The following TNKS variants were observed in gnomAD, a reference collection of about 807,000 sequenced individuals.
The protein encoded by TNKS is tankyrase, also known as poly [ADP-ribose] polymerase tankyrase-1.
In TNKS, 72 loss-of-function variants were observed where a neutral mutation model predicts 135.8. The ratio of observed to expected loss-of-function variants is 0.53; its 90% CI spans 0.44 to 0.64. The LOEUF (loss-of-function observed/expected upper bound fraction) is 0.64. Among genes scored for constraint, TNKS ranks in the 30% least tolerant of loss-of-function variants. The pLI, the probability that TNKS is intolerant of heterozygous loss-of-function variation, is 0.00. For synonymous variants in TNKS, 849 were observed against 649.3 expected (o/e 1.31, Z -4.68); for missense variants, 1,769 against 1,674.0 (o/e 1.06, Z -0.99).
intron 2 of TNKS, among the ~76,000 whole-genome samples, chr8:9,595,431 T>C (rs1798745278): frequency 6.6e-6 from 1 of 152,142 alleles, no homozygotes; most frequent in African/African-American, 2.4e-5. Flanking sequence ...ACTCTTAACG[T>C]TGATGACTTG....
rs1055163918 is a variant in TNKS at position 9,708,238 on chromosome 8, A to G, written c.1457-133A>G. 6.5e-6 allele frequency: 5 copies of G among 764,882 alleles called. No homozygotes were observed. In the East Asian group the frequency reaches 1.6e-4, roughly 24 times the overall value. The allele number at this position is 764,882 out of a possible 1,614,324, so 47.4% of individuals were successfully genotyped here. The stretch of plus-strand genomic sequence containing the variant: ...TCATCTTTTGCATTTTTATCATCAT[A>G]TTATCACATTGCTGCTGTTGTTAAA... On this transcript the variant is annotated intron_variant, in intron 8 of 26. Transcript: ENST00000310430.
intron 1 of TNKS, among the ~76,000 whole-genome samples, chr8:9,565,751 G>A (rs906322825): frequency 3.9e-5 from 6 of 152,060 alleles, no homozygotes; most frequent in African/African-American, 1.2e-4. Context: ...CAGCTACTCG[G>A]GAGGCTGAGG....
At chr8:9,717,096 T>TATATATATATATATATATATATAC (rs1804648966) in intron 11 of TNKS, among the ~76,000 whole-genome samples, 1 of 130,778 alleles carries the variant, frequency 7.6e-6, no homozygotes, top group Non-Finnish European at 1.7e-5. Flanking sequence ...TATATATATA[T>TATATATATATATATATATATATAC]ATATATTTTC....
intron 5 of TNKS, among the ~76,000 whole-genome samples, chr8:9,689,413 G>C (rs1347021382): frequency 1.3e-5 from 2 of 152,046 alleles, no homozygotes; most frequent in African/African-American, 4.8e-5. Flanking sequence ...ATAATCACTT[G>C]AAATGCATAT....
chr8:9,709,180 G>C (rs4841200), intron 9 of TNKS, among the ~76,000 whole-genome samples: 126,565 of 152,056 alleles, frequency 0.83, 52,865 homozygotes, highest in Admixed American at 0.89. Flanking sequence ...AAGATCAAAC[G>C]TTTGTCAGTA....
chr8:9,753,766 C>T (rs925172868), intron 20 of TNKS, among the ~76,000 whole-genome samples: 1 of 152,164 alleles, frequency 6.6e-6, no homozygotes, highest in African/African-American at 2.4e-5. Flanking sequence ...CAATTTGGGA[C>T]AGGTGTAATA....
chr8:9,687,939 A>G (rs147620168), intron 5 of TNKS, among the ~76,000 whole-genome samples: 4 of 152,332 alleles, frequency 2.6e-5, no homozygotes, highest in East Asian at 1.9e-4. Context: ...CGAACTTTAC[A>G]TTAGTAGAGT....
chr8:9,623,834 T>G (rs1206739995), intron 3 of TNKS, among the ~76,000 whole-genome samples: 5 of 152,048 alleles, frequency 3.3e-5, no homozygotes, highest in Non-Finnish European at 7.4e-5. Flanking sequence ...AAACCCCGTC[T>G]CTACCAAAAA....
Position 9,765,763 on chromosome 8 carries a change from T to C in TNKS, c.3519T>C (p.Asn1173=). The C allele has an allele frequency of 3.7e-6, 6 of 1,613,912 alleles. No individual in the cohort carries two copies. The highest frequency in any genetic ancestry group is 5.1e-6 in the Non-Finnish European group (6 of 1,179,896). The change falls in exon 24 of 27, where the codon AAT becomes AAC. Residue 1173 remains asparagine (N), a synonymous_variant. Transcript: ENST00000310430. The part of the protein sequence containing the change: ...CHRQKEVSEE[N]HNHHNERMLF... ...GACAGAAGGAAGTGTCTGAGGAGAA[T>C]CACAACCATCACAATGAGCGCATGT...
chr8:9,674,674 G>C (rs1802460125), intron 3 of TNKS, among the ~76,000 whole-genome samples: 1 of 152,158 alleles, frequency 6.6e-6, no homozygotes, highest in African/African-American at 2.4e-5. Flanking sequence ...TTAATTGTAA[G>C]TGTTGAGGGG....
chr8:9,574,481 CCT>C (rs1797868761), intron 1 of TNKS, among the ~76,000 whole-genome samples: 1 of 152,114 alleles, frequency 6.6e-6, no homozygotes, highest in Non-Finnish European at 1.5e-5. Flanking sequence ...TTGACTAGTC[CCT>C]CTGATTTTGC....
At chr8:9,670,403 A>G (rs2128792553) in intron 3 of TNKS, among the ~76,000 whole-genome samples, 1 of 152,316 alleles carries the variant, frequency 6.6e-6, no homozygotes. Flanking sequence ...GCCTGTATGT[A>G]GAGGGCATGA....
intron 2 of TNKS, among the ~76,000 whole-genome samples, chr8:9,597,101 G>A (rs1431408029): frequency 6.6e-6 from 1 of 152,230 alleles, no homozygotes; most frequent in East Asian, 1.9e-4. Context: ...ATTTAAGATA[G>A]CAAATAAGTG....
rs1441929759 is a variant in TNKS, at chr8:9,778,207, G to C, written c.*1471G>C. On this transcript the variant is annotated 3_prime_UTR_variant, in exon 27 of 27. Transcript: ENST00000310430. ...TTTTCACCTTAACTGAATATGAATT[G>C]AGTGCACTAACTTATTTACTTGATA... is the stretch of plus-strand genomic sequence containing the variant. 2 of 152,424 alleles carry C rather than the reference G, an allele frequency of 1.3e-5. No individual in the cohort carries two copies. Among genetic ancestry groups the C allele is most frequent in the Non-Finnish European group, 2.9e-5 (2 of 68,012 alleles). 9.4% of individuals were successfully genotyped at this position (152,424 alleles called of 1,614,324 possible). A position where few individuals can be genotyped will look rare whatever the true frequency, so the allele number is the denominator to read the frequency against.
chr8:9,736,654 A>G (rs1306499285), intron 17 of TNKS, among the ~76,000 whole-genome samples: 1 of 118,022 alleles, frequency 8.5e-6, no homozygotes, highest in African/African-American at 3.3e-5. Flanking sequence ...TTTATTAAAT[A>G]GGGAATCCTT....
At chr8:9,760,538 T>C (rs1327289446) in intron 20 of TNKS, among the ~76,000 whole-genome samples, 1 of 152,212 alleles carries the variant, frequency 6.6e-6, no homozygotes, top group African/African-American at 2.4e-5. Context: ...TAAAAGGATT[T>C]CTTGGTTTTC....
chr8:9,758,346 T>C (rs755362527), intron 20 of TNKS, among the ~76,000 whole-genome samples: 3 of 151,800 alleles, frequency 2.0e-5, no homozygotes, highest in Non-Finnish European at 4.4e-5. Flanking sequence ...TTCCACAGGT[T>C]GATAGCTTTT....
intron 26 of TNKS, chr8:9,772,402 A>ATTCCAGCCAAAAATACATGATGT (rs1807962286): frequency 2.2e-6 from 1 of 455,532 alleles, no homozygotes. Flanking sequence ...TCTCTGCAGC[A>ATTCCAGCCAAAAATACATGATGT]TTCCAGCCAA....
intron 20 of TNKS, among the ~76,000 whole-genome samples, chr8:9,753,565 T>G (rs530717104): frequency 6.6e-6 from 1 of 152,358 alleles, no homozygotes; most frequent in South Asian, 2.1e-4. Flanking sequence ...TGTAATATTG[T>G]ATGCTTTCAT....
Sources: gnomAD v4.1 joint callset for allele counts (sites outside exome capture counted in the v4.1 genomes callset) on GRCh38, gnomAD v4.1.1 for gene constraint, MANE v1.5 for transcripts, NCBI Gene and HGNC (gene_info 2026-07-23, HGNC 2026-07-21) for gene names.